SH3KBP1: variants seen among roughly 807,000 people sequenced by gnomAD.
The protein encoded by SH3KBP1 is SH3 domain containing kinase binding protein 1, also known as SH3 domain-containing kinase-binding protein 1.
In SH3KBP1, 8 loss-of-function variants were observed where a neutral mutation model predicts 50.1. The observed-to-expected ratio is 0.16, with a 90% CI of 0.09 to 0.29. The LOEUF (loss-of-function observed/expected upper bound fraction) is 0.29, where lower values mean the gene tolerates loss of function less well. SH3KBP1 is among the 10% of genes least tolerant of loss of function. The probability of loss-of-function intolerance (pLI) is 1.00; values close to 1 mark genes in which losing one functional copy is unlikely to be tolerated. For missense variants in SH3KBP1, 377 were observed against 535.2 expected (o/e 0.70, Z 2.92); for synonymous variants, 227 against 218.6 (o/e 1.04, Z -0.34).
chrX:19,550,130 A>G (rs745806732), intron 13 of SH3KBP1, 47 bp from the exon 14 acceptor site: 1 of 828,560 alleles, frequency 1.2e-6, no homozygotes, highest in African/African-American at 2.0e-5. Flanking sequence ...AGGAGCAAAG[A>G]CTCTTATGAT....
intron 7 of SH3KBP1, among the ~76,000 whole-genome samples, chrX:19,633,271 T>C (rs1029211030): frequency 6.3e-5 from 7 of 111,601 alleles, no homozygotes; most frequent in African/African-American, 1.6e-4. Context: ...CTTGAAAATA[T>C]TAGTTACATT....
intron 2 of SH3KBP1, among the ~76,000 whole-genome samples, chrX:19,813,801 G>A (rs912330815): frequency 4.5e-5 from 5 of 111,529 alleles, no homozygotes; most frequent in Non-Finnish European, 9.4e-5. Context: ...CTCAGCATCC[G>A]AATCCTACAG....
At chrX:19,645,922 G>A (rs2061978600) in intron 6 of SH3KBP1, among the ~76,000 whole-genome samples, 1 of 111,694 alleles carries the variant, frequency 9.0e-6, no homozygotes, top group Admixed American at 9.5e-5. Flanking sequence ...TGGAGGCCCA[G>A]GAGGGCAGGA....
intron 2 of SH3KBP1, among the ~76,000 whole-genome samples, chrX:19,812,665 C>CAAA (rs57012379): frequency 8.5e-5 from 3 of 35,283 alleles, no homozygotes; most frequent in African/African-American, 7.2e-5. Flanking sequence ...CCCGTCTCTA[C>CAAA]AAAAAAAAAA....
At chrX:19,693,013 A>G (rs1031133771) in intron 5 of SH3KBP1, among the ~76,000 whole-genome samples, 3 of 111,114 alleles carry the variant, frequency 2.7e-5, no homozygotes, top group East Asian at 2.8e-4. Flanking sequence ...CTGTCAGAAC[A>G]CTGAGAGATA....
chrX:19,623,553 C>T (rs1223038040), intron 8 of SH3KBP1, among the ~76,000 whole-genome samples: 1 of 111,910 alleles, frequency 8.9e-6, no homozygotes, highest in Non-Finnish European at 1.9e-5. Flanking sequence ...GGCATGATGG[C>T]AGTTGCCTGT....
rs1327764265 is a variant in SH3KBP1, at chrX:19,704,854, CCTT to C, written c.390+2024_390+2026del. ...TACTTGGAAAATACAACTTAATTCT[CCTT>C]CTTATTTTTCATTATCACAAATACT... On this transcript the variant is annotated intron_variant, in intron 4 of 17. Coordinates refer to ENST00000397821, the MANE Select transcript of SH3KBP1 (RefSeq NM_031892.3). Among the ~76,000 whole-genome samples the C allele has an allele frequency of 3.6e-4, 41 of 112,487 alleles. 1 individual carries two copies. The highest frequency in any genetic ancestry group is 1.2e-3 in the African/African-American group (38 of 31,045).
intron 2 of SH3KBP1, among the ~76,000 whole-genome samples, chrX:19,782,889 T>C (rs2066223324): frequency 9.0e-6 from 1 of 111,624 alleles, no homozygotes; most frequent in African/African-American, 3.3e-5. Flanking sequence ...GGAGGATCTC[T>C]TGAGCCCAGA....
At chrX:19,648,941 C>A (rs977144663) in intron 6 of SH3KBP1, among the ~76,000 whole-genome samples, 1 of 111,745 alleles carries the variant, frequency 8.9e-6, no homozygotes, top group African/African-American at 3.3e-5. Flanking sequence ...AATAGAATCC[C>A]AAATTTCAAA....
chrX:19,842,522 T>C (rs1247456867), intron 1 of SH3KBP1, among the ~76,000 whole-genome samples: 2 of 111,350 alleles, frequency 1.8e-5, no homozygotes, highest in Non-Finnish European at 3.8e-5. Flanking sequence ...CAAGAATCCA[T>C]CTCAAAAAAA....
chrX:19,571,710 C>T (rs886303999), intron 12 of SH3KBP1, among the ~76,000 whole-genome samples: 1 of 111,576 alleles, frequency 9.0e-6, no homozygotes, highest in African/African-American at 3.3e-5. Flanking sequence ...ACAAATTATA[C>T]TCACAACCAG....
chrX:19,576,670 T>C (rs2066209256), intron 12 of SH3KBP1, among the ~76,000 whole-genome samples: 1 of 112,197 alleles, frequency 8.9e-6, no homozygotes, highest in Non-Finnish European at 1.9e-5. Context: ...TTTAAACTCC[T>C]GGCCTCCAGC....
intron 12 of SH3KBP1, among the ~76,000 whole-genome samples, chrX:19,583,125 CATTATTATTATTATTATTATT>C (rs200762944): frequency 2.1e-5 from 2 of 95,150 alleles, no homozygotes; most frequent in East Asian, 3.5e-4. Flanking sequence ...TGCTAATACA[CATTATTATTATTATTATTATT>C]ATTATTATTA....
intron 12 of SH3KBP1, among the ~76,000 whole-genome samples, chrX:19,572,196 TATATGTTATATATAGTAC>T (rs1395070378): frequency 1.9e-5 from 2 of 107,869 alleles, no homozygotes; most frequent in Non-Finnish European, 3.8e-5. Context: ...AAAGTACATA[TATATGTTATATATAGTAC>T]ATATGTTATA....
chrX:19,555,438 C>T lies in SH3KBP1; in HGVS notation c.1385-5355G>A, dbSNP rs767594195. Among the ~76,000 whole-genome samples the T allele has an allele frequency of 4.5e-5, 5 of 111,713 alleles. No homozygotes were observed. The South Asian group carries it at 1.5e-3, about 34-fold the overall frequency. On this transcript the variant is annotated intron_variant, in intron 13 of 17. Transcript: ENST00000397821. The stretch of plus-strand genomic sequence containing the variant: ...CAATGGTACCAGTGACCGCAGGTGA[C>T]GTAAAGCACATCCACTGAAAGCACA...
chrX:19,731,915 T>A (rs1266344046), intron 3 of SH3KBP1, among the ~76,000 whole-genome samples: 1 of 111,837 alleles, frequency 8.9e-6, no homozygotes, highest in African/African-American at 3.3e-5. Context: ...TATAAAAAAA[T>A]TCATTTAAGA....
At chrX:19,628,817 C>T (rs976613505) in intron 8 of SH3KBP1, among the ~76,000 whole-genome samples, 3 of 111,887 alleles carry the variant, frequency 2.7e-5, no homozygotes, top group East Asian at 5.6e-4. Context: ...AGTGGCTAGG[C>T]CGGCTGCAGT....
intron 4 of SH3KBP1, among the ~76,000 whole-genome samples, chrX:19,697,455 C>T (rs773538020): frequency 1.3e-4 from 14 of 111,962 alleles, no homozygotes; most frequent in Non-Finnish European, 2.4e-4. Flanking sequence ...TCACAGTTGT[C>T]GTCTTTAGGG....
At chrX:19,724,029 T>G (rs2064147211) in intron 3 of SH3KBP1, among the ~76,000 whole-genome samples, 2 of 112,065 alleles carry the variant, frequency 1.8e-5, no homozygotes, top group South Asian at 7.3e-4. Context: ...AATCCCACTT[T>G]CCTTGTAAAT....
Sources: allele counts gnomAD v4.1 joint callset (sites outside exome capture counted in the v4.1 genomes callset), GRCh38; gene constraint gnomAD v4.1.1; transcripts MANE v1.5; gene names NCBI Gene and HGNC (gene_info 2026-07-23, HGNC 2026-07-21).